DST: variants seen among roughly 807,000 people sequenced by gnomAD.
DST encodes dystonin.
Under a neutral mutation model 875.2 loss-of-function variants are expected in DST, and 253 were observed. The observed-to-expected ratio is 0.29, with a 90% CI of 0.26 to 0.32. The LOEUF is 0.32. Among genes scored for constraint, DST ranks in the 10% least tolerant of loss-of-function variants. The pLI is 1.00. For synonymous variants in DST, 3,124 were observed against 3,197.1 expected (o/e 0.98, Z 0.77); for missense variants, 8,287 against 9,111.6 (o/e 0.91, Z 3.68).
intron 94 of DST, 91 bp from the exon 95 acceptor site, chr6:56,471,359 G>T: frequency 1.1e-6 from 1 of 920,628 alleles, no homozygotes; most frequent in Non-Finnish European, 1.6e-6. Context: ...GATTCTCTAG[G>T]TAGTACACAT....
chr6:56,523,147 C>T (rs1323803694), intron 69 of DST, among the ~76,000 whole-genome samples: 1 of 151,982 alleles, frequency 6.6e-6, no homozygotes, highest in Non-Finnish European at 1.5e-5. Flanking sequence ...AAAAATAATA[C>T]CCTTTTTAGA....
At chr6:56,627,816 T>G (rs1286879723) in intron 33 of DST, among the ~76,000 whole-genome samples, 183 bp downstream of exon 33, 2 of 152,130 alleles carry the variant, frequency 1.3e-5, no homozygotes, top group Non-Finnish European at 2.9e-5. Context: ...AAAAATTACT[T>G]CCAAGAAATA....
intron 3 of DST, among the ~76,000 whole-genome samples, chr6:56,858,957 A>G (rs1424739709): frequency 6.6e-6 from 1 of 152,214 alleles, no homozygotes; most frequent in South Asian, 2.1e-4. Context: ...TCCTTTTGAC[A>G]TGAAAGCCTG....
chr6:56,878,111 G>A (rs763711953), intron 3 of DST, among the ~76,000 whole-genome samples: 9 of 152,164 alleles, frequency 5.9e-5, no homozygotes, highest in Non-Finnish European at 1.2e-4. Flanking sequence ...ACCACGTTAG[G>A]ACAGTGTGAC....
At chr6:56,584,268 T>C (rs1363860811) in intron 49 of DST, among the ~76,000 whole-genome samples, 2 of 151,864 alleles carry the variant, frequency 1.3e-5, no homozygotes, top group East Asian at 1.9e-4. Context: ...TTTTATTTCA[T>C]TGAGCAGTGG....
chr6:56,526,332 T>C, intron 69 of DST, 29 bp downstream of exon 69: 3 of 1,609,042 alleles, frequency 1.9e-6, no homozygotes, highest in Non-Finnish European at 2.5e-6. Flanking sequence ...GAAAATTTAT[T>C]GCCTAAACAA....
In DST at chr6:56,572,785, G is replaced by A; in HGVS notation, c.13516C>T (p.Pro4506Ser). 6.2e-7 allele frequency: 1 copy of A among 1,604,958 alleles called. No individual in the cohort carries two copies. Among genetic ancestry groups the A allele is most frequent in the African/African-American group, 1.3e-5 (1 of 74,410 alleles). Reference protein sequence around the residue: ...KTQALTEVDVPGKDVTELSQY... With the variant: ...KTQALTEVDVSGKDVTELSQY... ...GACAATTCAGTAACATCTTTTCCTG[G>A]CACATCTACTTCAGTAAGAGCCTGA... The change falls in exon 52 of 104, where the codon CCA (proline) becomes TCA (serine). Residue 4506 changes from proline to serine, a missense_variant. Physicochemically the swap from Pro to Ser is moderately conservative, Grantham distance 74. Coordinates refer to ENST00000680361, the MANE Select transcript of DST (RefSeq NM_001374736.1).
intron 9 of DST, among the ~76,000 whole-genome samples, chr6:56,678,890 A>C (rs2099143481): frequency 6.6e-6 from 1 of 152,138 alleles, no homozygotes; most frequent in African/African-American, 2.4e-5. Flanking sequence ...CAGAGACTCA[A>C]AGTTTTTTTC....
At chr6:56,670,462 G>A (rs1411100095) in intron 10 of DST, 179 bp downstream of exon 10, 1 of 453,172 alleles carries the variant, frequency 2.2e-6, no homozygotes, top group African/African-American at 2.0e-5. Flanking sequence ...GCTTCCCTAA[G>A]TCCTGGGATT....
chr6:56,834,615 T>A (rs2099791307), intron 4 of DST, among the ~76,000 whole-genome samples: 1 of 152,040 alleles, frequency 6.6e-6, no homozygotes, highest in African/African-American at 2.4e-5. Flanking sequence ...AAAAGATATT[T>A]ACATGATATG....
chr6:56,536,150 C>T (rs2096993908), intron 62 of DST, among the ~76,000 whole-genome samples: 1 of 152,180 alleles, frequency 6.6e-6, no homozygotes, highest in African/African-American at 2.4e-5. Context: ...GTAAGAGCTG[C>T]CTGCCATCGT....
rs935464712 is a variant in DST at position 56,607,086 on chromosome 6, A to G, written c.7542T>C (p.Ser2514=). 1 of 1,613,252 alleles carries G rather than the reference A, an allele frequency of 6.2e-7. No homozygotes were observed. The highest frequency in any genetic ancestry group is 1.3e-5 in the African/African-American group (1 of 75,034). The change falls in exon 40 of 104, where the codon TCT becomes TCC. Residue 2514 remains serine, a synonymous_variant. Transcript: ENST00000680361. ...QYGQKSLNMI[S]SNPQVQYHND... is the part of the protein sequence containing the mutation. Reference sequence around the variant, plus strand: ...TGTGATATTGTACTTGAGGATTACTAGAAATCATATTTAAAGATTTCTGTC... The same window carrying G: ...TGTGATATTGTACTTGAGGATTACTGGAAATCATATTTAAAGATTTCTGTC...
chr6:56,645,953 T>C lies in DST; in HGVS notation c.1691A>G (p.Tyr564Cys), dbSNP rs1226181839. 6.2e-7 allele frequency: 1 copy of C among 1,613,852 alleles called. No homozygotes were observed. Among genetic ancestry groups the C allele is most frequent in the Non-Finnish European group, 8.5e-7 (1 of 1,179,798 alleles). Residue 564 changes from tyrosine (Y) to cysteine (C), a missense_variant, in exon 15 of 104, where the codon TAT becomes TGT. Tyr to Cys is a radical substitution (Grantham distance 194). This residue lies in a region of DST where 1,160 missense variants were observed against 1,424.3 expected (regional missense o/e 0.81). Coordinates refer to ENST00000680361, the MANE Select transcript of DST (RefSeq NM_001374736.1). The part of the protein sequence containing the change: ...EFGRIKLLQG[Y>C]HPNDIEKEWG... ...CTCTTTTTCTATGTCATTTGGATGA[T>C]AACCTTGAAGGAGCTTGATGCGTCC...
At chr6:56,720,032 C>T (rs184749258) in intron 5 of DST, among the ~76,000 whole-genome samples, 46 of 152,266 alleles carry the variant, frequency 3.0e-4, no homozygotes, top group Admixed American at 1.4e-3. Flanking sequence ...TGAGAGCAAC[C>T]GGTCTGACCA....
At chr6:56,674,172 C>T (rs1028465913) in intron 9 of DST, among the ~76,000 whole-genome samples, 1 of 152,184 alleles carries the variant, frequency 6.6e-6, no homozygotes, top group Non-Finnish European at 1.5e-5. Flanking sequence ...CCCTTCAAAA[C>T]CCGGAGGCAA....
intron 4 of DST, among the ~76,000 whole-genome samples, chr6:56,791,184 A>C (rs1375292677): frequency 6.6e-6 from 1 of 152,216 alleles, no homozygotes; most frequent in Non-Finnish European, 1.5e-5. Context: ...TTGAATCCAA[A>C]TAAGACTGGT....
chr6:56,535,350 A>G, intron 62 of DST, 58 bp from the exon 63 acceptor site: 1 of 1,493,030 alleles, frequency 6.7e-7, no homozygotes, highest in Non-Finnish European at 8.9e-7. Flanking sequence ...ATGCAATCTG[A>G]GCACAAATCA....
chr6:56,737,868 G>C (rs2099531463), intron 4 of DST, among the ~76,000 whole-genome samples: 1 of 152,084 alleles, frequency 6.6e-6, no homozygotes. Context: ...GTAACTATGA[G>C]AATATAAATC....
At chr6:56,665,739 G>T (rs569588860) in intron 10 of DST, among the ~76,000 whole-genome samples, 1 of 152,240 alleles carries the variant, frequency 6.6e-6, no homozygotes, top group Admixed American at 6.5e-5. Flanking sequence ...TAGGTGTGAT[G>T]CTCACTACGT....
Sources: gnomAD v4.1 joint callset for allele counts (sites outside exome capture counted in the v4.1 genomes callset) on GRCh38, gnomAD v4.1.1 for gene constraint, gnomAD v4.1.1 regional missense constraint, MANE v1.5 for transcripts, NCBI Gene and HGNC (gene_info 2026-07-23, HGNC 2026-07-21) for gene names.